UFM1: variants seen among roughly 807,000 people sequenced by gnomAD.
The protein encoded by UFM1 is ubiquitin fold modifier 1, also known as ubiquitin-fold modifier 1.
Under a neutral mutation model 15.4 loss-of-function variants are expected in UFM1, and 9 were observed. The observed-to-expected ratio is 0.59, with a 90% CI of 0.35 to 1.02. The LOEUF (loss-of-function observed/expected upper bound fraction) is 1.02. UFM1 is among the 50% of genes least tolerant of loss of function. The pLI is 0.02. For synonymous variants in UFM1, 27 were observed against 36.3 expected (o/e 0.74, Z 0.92); for missense variants, 98 against 104.7 (o/e 0.94, Z 0.28).
chr13:38,350,557 A>T (rs1256880987), intron 2 of UFM1, among the ~76,000 whole-genome samples: 1 of 152,200 alleles, frequency 6.6e-6, no homozygotes, highest in Non-Finnish European at 1.5e-5. Context: ...GCAGTCGGGC[A>T]TCACAAAGTA....
Position 38,357,235 on chromosome 13 carries a change from C to T in UFM1, c.118-858C>T, listed in dbSNP as rs887911440. ...GCCTTGGTTGTTACCTGAAAATCTT[C>T]GGTAGGCACCTCCCATTAAACACAG... On this transcript the variant is annotated intron_variant, in intron 3 of 5. Coordinates refer to ENST00000239878, the MANE Select transcript of UFM1 (RefSeq NM_016617.4). Among the ~76,000 whole-genome samples the T allele has an allele frequency of 3.3e-5, 5 of 151,902 alleles. No homozygotes were observed. In the South Asian group the frequency reaches 8.3e-4, roughly 25 times the overall value.
In UFM1 at chr13:38,354,121, T is replaced by G. The variant is rs1402202163; in HGVS notation, c.60-118T>G. The G allele has an allele frequency of 6.1e-6, 5 of 816,358 alleles. No individual in the cohort carries two copies. The African/African-American group carries it at 8.7e-5, about 14-fold the overall frequency. The allele number at this position is 816,358 out of a possible 1,614,324, so 50.6% of individuals were successfully genotyped here. On this transcript the variant is annotated intron_variant, in intron 2 of 5. Transcript: ENST00000239878. ...GTAGTATGCAATCAAAATCACTAACTTTGAAACTGAAAAGACAGCTTTGTC... is the reference window on the plus strand; with the variant it reads ...GTAGTATGCAATCAAAATCACTAACGTTGAAACTGAAAAGACAGCTTTGTC...
intron 3 of UFM1, among the ~76,000 whole-genome samples, chr13:38,357,758 A>G (rs1485485522): frequency 1.3e-5 from 2 of 151,990 alleles, no homozygotes; most frequent in African/African-American, 4.8e-5. Context: ...AAAAATACTA[A>G]GAAAATCATA....
At chr13:38,352,218 CT>C (rs1878894325) in intron 2 of UFM1, among the ~76,000 whole-genome samples, 1 of 151,532 alleles carries the variant, frequency 6.6e-6, no homozygotes, top group African/African-American at 2.4e-5. Flanking sequence ...CTTCCTCAGC[CT>C]CCCAAATAGC....
intron 3 of UFM1, among the ~76,000 whole-genome samples, chr13:38,355,241 T>C (rs980415039): frequency 1.3e-5 from 2 of 152,024 alleles, no homozygotes; most frequent in Admixed American, 6.6e-5. Context: ...TGCTCAAAGC[T>C]CCTTGTATTG....
In UFM1 at chr13:38,350,184, C is replaced by T. The variant is rs776932458; in HGVS notation, c.59+129C>T. The T allele has an allele frequency of 1.2e-5, 19 of 1,613,684 alleles. No individual in the cohort carries two copies. The highest frequency in any genetic ancestry group is 4.5e-5 in the East Asian group (2 of 44,848). On this transcript the variant is annotated intron_variant, in intron 2 of 5. Transcript: ENST00000239878. ...CTTCACTTCATCTACTTTCCTGGCT[C>T]GCGCCCTTCCAGGAGCCTTTCCCAC...
At chr13:38,351,496 T>C (rs897942441) in intron 2 of UFM1, among the ~76,000 whole-genome samples, 2 of 152,214 alleles carry the variant, frequency 1.3e-5, no homozygotes, top group African/African-American at 4.8e-5. Context: ...TACCACTACA[T>C]GGATAAATCC....
chr13:38,350,770 AT>A (rs1878810487), intron 2 of UFM1, among the ~76,000 whole-genome samples: 1 of 152,152 alleles, frequency 6.6e-6, no homozygotes, highest in Non-Finnish European at 1.5e-5. Context: ...TTACAATAGA[AT>A]TTTTTGCATA....
intron 3 of UFM1, among the ~76,000 whole-genome samples, chr13:38,355,376 G>A (rs1879048717): frequency 6.6e-6 from 1 of 151,990 alleles, no homozygotes; most frequent in Admixed American, 6.6e-5. Context: ...ACACAAATCT[G>A]AGTATAGCAT....
intron 2 of UFM1, 124 bp from the exon 3 acceptor site, chr13:38,354,115 A>C (rs1013697423): frequency 4.1e-6 from 3 of 734,552 alleles, no homozygotes; most frequent in African/African-American, 3.6e-5. Flanking sequence ...AATCAAAATC[A>C]CTAACTTTGA....
chr13:38,358,170 T>A (rs953227890), intron 4 of UFM1, 38 bp downstream of exon 4: 2 of 1,314,386 alleles, frequency 1.5e-6, no homozygotes, highest in Non-Finnish European at 2.0e-6. Flanking sequence ...TACCTCAAAT[T>A]TATAGAAATG....
Position 38,358,073 on chromosome 13 carries a change from T to TA in UFM1, c.118-20_118-19insA, listed in dbSNP as rs755661452. 3.2e-5 allele frequency: 40 copies of TA among 1,236,540 alleles called. No homozygotes were observed. The African/African-American group carries it at 6.4e-4, about 20-fold the overall frequency. 76.6% of individuals were successfully genotyped at this position (1,236,540 alleles called of 1,614,324 possible). On this transcript the variant is annotated intron_variant, in intron 3 of 5. Transcript: ENST00000239878. ...TGTGTGTGTGTATATATATATATAT[T>TA]TTTTTTTCCTTCTATTTAGTTTAAA...
intron 2 of UFM1, chr13:38,350,293 T>G: frequency 2.7e-6 from 4 of 1,493,216 alleles, no homozygotes; most frequent in Non-Finnish European, 3.6e-6. Flanking sequence ...TGGGTGTGTT[T>G]CTGATTAGTG....
In UFM1 at chr13:38,354,050, C is replaced by T. The variant is rs536792967; in HGVS notation, c.60-189C>T. On this transcript the variant is annotated intron_variant, in intron 2 of 5. Transcript: ENST00000239878. Reference sequence around the variant, plus strand: ...ACCATCCCAGCTCTAAGGCTATTTGCTGTTTGGGTTGTTATTATTATTATT... The same window carrying T: ...ACCATCCCAGCTCTAAGGCTATTTGTTGTTTGGGTTGTTATTATTATTATT... 2.1e-4 allele frequency among the ~76,000 whole-genome samples: 32 copies of T among 152,046 alleles called. No individual in the cohort carries two copies. The East Asian group carries it at 6.2e-3, about 29-fold the overall frequency.
Position 38,361,075 on chromosome 13 carries a change from T to TA in UFM1, c.*299dup. ...CCAACTGTTAACTGGAAGCTTTTGATAATTTTTTTTTTTAGAACAATTTGG... is the reference window on the plus strand; with the variant it reads ...CCAACTGTTAACTGGAAGCTTTTGATAAATTTTTTTTTTTAGAACAATTTGG... On this transcript the variant is annotated 3_prime_UTR_variant, in exon 6 of 6. Transcript: ENST00000239878. 2 of 243,042 alleles carry TA rather than the reference T, an allele frequency of 8.2e-6. No individual in the cohort carries two copies. Among genetic ancestry groups the TA allele is most frequent in the African/African-American group, 2.2e-5 (1 of 44,750 alleles). The allele number at this position is 243,042 out of a possible 1,614,324, so 15.1% of individuals were successfully genotyped here.
chr13:38,352,743 G>T (rs938112186), intron 2 of UFM1, among the ~76,000 whole-genome samples: 2 of 152,112 alleles, frequency 1.3e-5, no homozygotes, highest in Admixed American at 6.5e-5. Flanking sequence ...TGGCTTGTCT[G>T]TGGACACTCA....
Position 38,359,293 on chromosome 13 carries a change from T to C in UFM1, c.158-8T>C, listed in dbSNP as rs1214092425. 29 of 1,607,552 alleles carry C rather than the reference T, an allele frequency of 1.8e-5. No individual in the cohort carries two copies. The highest frequency in any genetic ancestry group is 2.5e-5 in the Non-Finnish European group (29 of 1,176,920). The stretch of plus-strand genomic sequence containing the variant: ...ATAATGTATGTGATTTTACAACTTA[T>C]TTTCTAGATGGAATAGGAATAAATC... On this transcript the variant is annotated splice_region_variant and splice_polypyrimidine_tract_variant and intron_variant, in intron 4 of 5. Transcript: ENST00000239878.
At chr13:38,360,090 G>T (rs1414544773) in intron 5 of UFM1, 2 of 380,864 alleles carry the variant, frequency 5.3e-6, no homozygotes, top group Non-Finnish European at 1.1e-5. Flanking sequence ...ATTTAAAATT[G>T]CAAATTTTTG....
At chr13:38,352,190 G>A (rs756578323) in intron 2 of UFM1, among the ~76,000 whole-genome samples, 3 of 145,466 alleles carry the variant, frequency 2.1e-5, no homozygotes, top group Non-Finnish European at 4.5e-5. Context: ...TGCAACGCCC[G>A]CCTTCCCAGT....
Sources: gnomAD v4.1 joint callset for allele counts (sites outside exome capture counted in the v4.1 genomes callset) on GRCh38, gnomAD v4.1.1 for gene constraint, MANE v1.5 for transcripts, NCBI Gene and HGNC (gene_info 2026-07-23, HGNC 2026-07-21) for gene names.